Variants in THSD7B observed in about 807,000 individuals in gnomAD.
THSD7B encodes the protein thrombospondin type-1 domain-containing protein 7B.
THSD7B carries 138 observed loss-of-function variants against 213.6 expected under a neutral mutation model. The ratio of observed to expected loss-of-function variants is 0.65; its 90% CI spans 0.56 to 0.74. The LOEUF is 0.74. Ranked by LOEUF, THSD7B falls within the 30% of genes least tolerant of loss-of-function variation. The probability of loss-of-function intolerance (pLI) is 0.00; values close to 1 mark genes in which losing one functional copy is unlikely to be tolerated. For synonymous variants in THSD7B, 742 were observed against 687.0 expected, an observed-to-expected ratio of 1.08 and a Z score of -1.25; for missense variants, 1,931 against 1,991.5, an observed-to-expected ratio of 0.97 and a Z score of 0.58.
intron 2 of THSD7B, among the ~76,000 whole-genome samples, chr2:136,933,616 T>G (rs1242646855): frequency 6.6e-6 from 1 of 152,082 alleles, no homozygotes; most frequent in African/African-American, 2.4e-5. Flanking sequence ...TCTTAGTTTG[T>G]GAAGAGACTC....
chr2:136,942,752 T>G (rs1684850210), intron 2 of THSD7B, among the ~76,000 whole-genome samples: 1 of 152,212 alleles, frequency 6.6e-6, no homozygotes, highest in African/African-American at 2.4e-5. Flanking sequence ...GATTTTGGGC[T>G]GAGACGATGG....
At chr2:137,145,286 C>T (rs1021017537) in intron 5 of THSD7B, among the ~76,000 whole-genome samples, 5 of 151,978 alleles carry the variant, frequency 3.3e-5, no homozygotes, top group African/African-American at 1.2e-4. Flanking sequence ...TTAGTTATGG[C>T]CTGGTGGCCT....
chr2:137,193,214 T>C (rs142208295), intron 7 of THSD7B, among the ~76,000 whole-genome samples: 1 of 152,338 alleles, frequency 6.6e-6, no homozygotes, highest in African/African-American at 2.4e-5. Context: ...CATGTGTGTA[T>C]GTATGTGTGT....
At chr2:137,434,059 G>A (rs1248581288) in intron 14 of THSD7B, among the ~76,000 whole-genome samples, 2 of 152,096 alleles carry the variant, frequency 1.3e-5, no homozygotes, top group Non-Finnish European at 2.9e-5. Flanking sequence ...TGCCATCTGT[G>A]TCTTTATCCA....
chr2:137,322,816 CTG>C, intron 12 of THSD7B, among the ~76,000 whole-genome samples: 1 of 152,308 alleles, frequency 6.6e-6, no homozygotes, highest in Middle Eastern at 3.4e-3. Context: ...TGGAACATCT[CTG>C]TTTGTCATAG....
intron 2 of THSD7B, among the ~76,000 whole-genome samples, chr2:136,950,562 G>A (rs886759307): frequency 1.3e-5 from 2 of 152,066 alleles, no homozygotes; most frequent in Non-Finnish European, 2.9e-5. Context: ...GTGACTTTAC[G>A]TCTGATTCTT....
chr2:137,393,339 T>A (rs1686089115), intron 12 of THSD7B, among the ~76,000 whole-genome samples: 1 of 149,196 alleles, frequency 6.7e-6, no homozygotes. Context: ...GCCCCCATAG[T>A]GTGATATTCC....
chr2:137,568,058 T>C (rs1681276871), intron 16 of THSD7B, among the ~76,000 whole-genome samples: 1 of 152,136 alleles, frequency 6.6e-6, no homozygotes, highest in Non-Finnish European at 1.5e-5. Flanking sequence ...TAGTAATCAA[T>C]TGTTTCAAAG....
chr2:137,114,312 C>T (rs180789423), intron 4 of THSD7B, among the ~76,000 whole-genome samples: 65 of 152,226 alleles, frequency 4.3e-4, no homozygotes, highest in Admixed American at 2.9e-3. Context: ...TTAAAGAATA[C>T]GGTAATAATC....
intron 2 of THSD7B, among the ~76,000 whole-genome samples, chr2:136,885,314 G>A (rs1683699375): frequency 6.7e-6 from 1 of 148,280 alleles, no homozygotes; most frequent in African/African-American, 2.5e-5. Flanking sequence ...GCATTTCTAA[G>A]TGAGTCCTGG....
chr2:136,920,811 A>G (rs1684424110), intron 2 of THSD7B, among the ~76,000 whole-genome samples: 2 of 152,058 alleles, frequency 1.3e-5, no homozygotes, highest in South Asian at 4.1e-4. Context: ...CTTGGCACCC[A>G]AAGTCCAGAA....
At chr2:136,889,963 T>TCTG (rs2104998876) in intron 2 of THSD7B, among the ~76,000 whole-genome samples, 1 of 152,320 alleles carries the variant, frequency 6.6e-6, no homozygotes, top group South Asian at 2.1e-4. Context: ...TCCGTTGATG[T>TCTG]CTGAAAGGGT....
In THSD7B at chr2:137,014,372, C is replaced by T. The variant is rs536888576; in HGVS notation, c.140-42048C>T. Among the ~76,000 whole-genome samples the T allele has an allele frequency of 1.1e-3, 171 of 152,262 alleles. 1 individual carries two copies. The highest frequency in any genetic ancestry group is 1.2e-3 in the Non-Finnish European group (80 of 68,022). On this transcript the variant is annotated intron_variant, in intron 2 of 27. Coordinates refer to ENST00000409968, the MANE Select transcript of THSD7B (RefSeq NM_001316349.2). ...AATGTATTGTGAATGGTCTAGTGCT[C>T]GGGCACCTGCATGATGGTGGTCATT...
At chr2:137,587,346 A>G (rs1344337330) in intron 17 of THSD7B, among the ~76,000 whole-genome samples, 1 of 152,162 alleles carries the variant, frequency 6.6e-6, no homozygotes, top group Non-Finnish European at 1.5e-5. Flanking sequence ...CGTCAAAGTT[A>G]TTATCCATCT....
chr2:137,400,006 T>A (rs1349254167), intron 12 of THSD7B, among the ~76,000 whole-genome samples: 1 of 152,206 alleles, frequency 6.6e-6, no homozygotes, highest in Non-Finnish European at 1.5e-5. Flanking sequence ...TATTTTGAAA[T>A]TTCTTCAGTG....
chr2:136,776,075 C>T (rs1191186134), intron 1 of THSD7B, among the ~76,000 whole-genome samples: 1 of 152,028 alleles, frequency 6.6e-6, no homozygotes, highest in Non-Finnish European at 1.5e-5. Context: ...TGGCCATGCT[C>T]TTAAGGAATT....
intron 16 of THSD7B, among the ~76,000 whole-genome samples, chr2:137,568,036 C>T (rs1225141292): frequency 6.6e-5 from 10 of 152,106 alleles, no homozygotes; most frequent in Admixed American, 6.5e-4. Flanking sequence ...AAGTGAGTTA[C>T]TCAAGAAGAC....
intron 2 of THSD7B, among the ~76,000 whole-genome samples, chr2:136,942,330 G>A (rs931423565): frequency 6.6e-6 from 1 of 152,048 alleles, no homozygotes; most frequent in African/African-American, 2.4e-5. Context: ...GGCAATGTGG[G>A]CTCTTTTTTG....
intron 1 of THSD7B, among the ~76,000 whole-genome samples, chr2:136,856,866 T>C (rs1683188105): frequency 1.3e-5 from 2 of 152,180 alleles, no homozygotes; most frequent in Non-Finnish European, 2.9e-5. Flanking sequence ...TTGTTTTCCT[T>C]GAATCTTCAG....
Sources: allele counts gnomAD v4.1 joint callset (sites outside exome capture counted in the v4.1 genomes callset), GRCh38; gene constraint gnomAD v4.1.1; transcripts MANE v1.5; gene names NCBI Gene and HGNC (gene_info 2026-07-23, HGNC 2026-07-21).